Variants in CPA6 observed in about 807,000 individuals in gnomAD.
CPA6 encodes carboxypeptidase A6.
A neutral mutation model predicts 63.3 loss-of-function variants in CPA6; 58 were observed. The observed-to-expected ratio is 0.92, with a 90% CI of 0.74 to 1.14. CPA6 has a LOEUF of 1.14. CPA6 is among the 50% of genes most tolerant of loss of function. CPA6 has a pLI of 0.00. For missense variants in CPA6, 565 were observed against 526.6 expected, an observed-to-expected ratio of 1.07 and a Z score of -0.71; for synonymous variants, 185 against 179.0, an observed-to-expected ratio of 1.03 and a Z score of -0.27.
chr8:67,711,504 G>A (rs1181967115), intron 1 of CPA6, among the ~76,000 whole-genome samples: 1 of 152,154 alleles, frequency 6.6e-6, no homozygotes, highest in African/African-American at 2.4e-5. Flanking sequence ...CCAGTTTGTG[G>A]AGTGGGCACT....
At chr8:67,549,935 C>T (rs1812903839) in intron 2 of CPA6, among the ~76,000 whole-genome samples, 1 of 152,166 alleles carries the variant, frequency 6.6e-6, no homozygotes, top group Non-Finnish European at 1.5e-5. Context: ...GTAAATAATG[C>T]TGCCATGAAT....
At chr8:67,470,783 T>C (rs981877562) in intron 8 of CPA6, among the ~76,000 whole-genome samples, 5 of 152,218 alleles carry the variant, frequency 3.3e-5, no homozygotes, top group African/African-American at 1.2e-4. Flanking sequence ...TATTTATATA[T>C]ACAATTCAAT....
intron 2 of CPA6, among the ~76,000 whole-genome samples, chr8:67,534,407 T>C (rs1341684862): frequency 6.6e-6 from 1 of 152,072 alleles, no homozygotes; most frequent in Non-Finnish European, 1.5e-5. Flanking sequence ...GGTTCAATAT[T>C]TATGAAACTG....
intron 2 of CPA6, among the ~76,000 whole-genome samples, chr8:67,571,811 A>G (rs866233650): frequency 7.9e-5 from 12 of 152,140 alleles, no homozygotes; most frequent in South Asian, 2.1e-4. Flanking sequence ...AACTAAGCCC[A>G]ATGCTAGCAG....
chr8:67,544,433 CAG>C (rs1309505072), intron 2 of CPA6, among the ~76,000 whole-genome samples: 1 of 152,174 alleles, frequency 6.6e-6, no homozygotes, highest in Non-Finnish European at 1.5e-5. Context: ...ACCCAGCAAA[CAG>C]AGCACTGAAT....
intron 1 of CPA6, among the ~76,000 whole-genome samples, chr8:67,662,695 C>T (rs1276055862): frequency 1.3e-5 from 2 of 151,738 alleles, no homozygotes; most frequent in African/African-American, 4.8e-5. Context: ...GGGAATACTA[C>T]TCCTGCGATT....
chr8:67,556,881 C>T (rs1450290209), intron 2 of CPA6, among the ~76,000 whole-genome samples: 1 of 152,226 alleles, frequency 6.6e-6, no homozygotes, highest in Non-Finnish European at 1.5e-5. Context: ...AGATTAGCAC[C>T]TGGACCGTGA....
At chr8:67,528,186 C>T (rs1298053591) in intron 2 of CPA6, among the ~76,000 whole-genome samples, 1 of 152,226 alleles carries the variant, frequency 6.6e-6, no homozygotes, top group Non-Finnish European at 1.5e-5. Flanking sequence ...ACAGAGAGGA[C>T]ACACTACTGT....
chr8:67,725,967 G>T (rs1053803344), intron 1 of CPA6, among the ~76,000 whole-genome samples: 1 of 152,060 alleles, frequency 6.6e-6, no homozygotes, highest in Non-Finnish European at 1.5e-5. Context: ...ATGACAATGG[G>T]TACCCCAGAT....
chr8:67,546,168 T>C (rs540921308), intron 2 of CPA6, among the ~76,000 whole-genome samples: 3 of 152,268 alleles, frequency 2.0e-5, no homozygotes, highest in Non-Finnish European at 2.9e-5. Context: ...TGGGGTCTAA[T>C]GTAAGAAAAA....
chr8:67,575,329 C>T (rs1350102532), intron 2 of CPA6, among the ~76,000 whole-genome samples: 1 of 152,262 alleles, frequency 6.6e-6, no homozygotes, highest in East Asian at 1.9e-4. Context: ...CTGTATGGTG[C>T]TTCCTTTAAA....
rs1265595214 is a variant in CPA6, at chr8:67,684,120, C to T, written c.117-59869G>A. Among the ~76,000 whole-genome samples the T allele has an allele frequency of 2.7e-5, 4 of 149,550 alleles. No individual in the cohort carries two copies. In the East Asian group the frequency reaches 7.9e-4, roughly 29 times the overall value. On this transcript the variant is annotated intron_variant, in intron 1 of 10. Coordinates refer to ENST00000297770, the MANE Select transcript of CPA6 (RefSeq NM_020361.5). ...CAGGCTGGTCTCAAACTCCTGGCCT[C>T]AAGTGAAACTCCTGCCTCAGTCCCT...
At chr8:67,478,256 A>G (rs1811285143) in intron 8 of CPA6, among the ~76,000 whole-genome samples, 1 of 152,232 alleles carries the variant, frequency 6.6e-6, no homozygotes. Flanking sequence ...GCCCATGGAA[A>G]GGGCACGGAG....
chr8:67,461,751 C>G (rs1164078620), intron 8 of CPA6, among the ~76,000 whole-genome samples: 1 of 151,704 alleles, frequency 6.6e-6, no homozygotes, highest in Non-Finnish European at 1.5e-5. Context: ...CGCCTCACTT[C>G]CTAGTAGGGG....
intron 7 of CPA6, among the ~76,000 whole-genome samples, chr8:67,484,333 A>G (rs1367348534): frequency 6.6e-6 from 1 of 151,982 alleles, no homozygotes; most frequent in East Asian, 1.9e-4. Context: ...CGGCTTCCCA[A>G]AGTGCTGGGA....
intron 8 of CPA6, among the ~76,000 whole-genome samples, chr8:67,455,570 G>A (rs1367696464): frequency 6.9e-6 from 1 of 143,920 alleles, no homozygotes; most frequent in Non-Finnish European, 1.5e-5. Context: ...AAAAAAAAAG[G>A]TTGAAAATTG....
intron 3 of CPA6, among the ~76,000 whole-genome samples, chr8:67,513,377 G>A (rs1812080629): frequency 1.3e-5 from 2 of 152,124 alleles, no homozygotes; most frequent in Non-Finnish European, 2.9e-5. Context: ...TTTGACTAGG[G>A]CTGGGGTAAT....
chr8:67,562,314 T>C (rs1461421419), intron 2 of CPA6, among the ~76,000 whole-genome samples: 1 of 152,202 alleles, frequency 6.6e-6, no homozygotes, highest in African/African-American at 2.4e-5. Flanking sequence ...CTTTCTCCCT[T>C]CACAGTGTAC....
chr8:67,445,417 G>A (rs969211279), intron 8 of CPA6, among the ~76,000 whole-genome samples: 1 of 152,104 alleles, frequency 6.6e-6, no homozygotes, highest in Non-Finnish European at 1.5e-5. Context: ...AAATGTCTTT[G>A]ATTCCTCATC....
Sources: allele counts gnomAD v4.1 joint callset (sites outside exome capture counted in the v4.1 genomes callset), GRCh38; gene constraint gnomAD v4.1.1; transcripts MANE v1.5; gene names NCBI Gene and HGNC (gene_info 2026-07-23, HGNC 2026-07-21).